The following DNM3 variants were observed in gnomAD, a reference collection of about 807,000 sequenced individuals.
The protein encoded by DNM3 is dynamin 3, also known as dynamin-3.
DNM3 carries 47 observed loss-of-function variants against 101.6 expected under a neutral mutation model. That is an observed-to-expected ratio of 0.46 (90% CI 0.37 to 0.59). The LOEUF is 0.59. Ranked by LOEUF, DNM3 falls within the 20% of genes least tolerant of loss-of-function variation. DNM3 has a pLI of 0.00. For missense variants in DNM3, 849 were observed against 1,085.7 expected, an observed-to-expected ratio of 0.78 and a Z score of 3.06; for synonymous variants, 385 against 387.9, an observed-to-expected ratio of 0.99 and a Z score of 0.09.
intron 13 of DNM3, among the ~76,000 whole-genome samples, chr1:172,112,208 C>T (rs1429986902): frequency 6.6e-6 from 1 of 152,186 alleles, no homozygotes; most frequent in Non-Finnish European, 1.5e-5. Flanking sequence ...GTGGTAAGCA[C>T]TTGACATTCA....
intron 15 of DNM3, among the ~76,000 whole-genome samples, chr1:172,273,957 A>G (rs1293507420): frequency 6.6e-6 from 1 of 152,014 alleles, no homozygotes; most frequent in African/African-American, 2.4e-5. Flanking sequence ...TTTTCATGCA[A>G]TGGGGGGTGT....
intron 18 of DNM3, among the ~76,000 whole-genome samples, chr1:172,383,795 C>T (rs2069047239): frequency 6.6e-6 from 1 of 151,992 alleles, no homozygotes; most frequent in Non-Finnish European, 1.5e-5. Context: ...CTGAGCAGAG[C>T]GACATGGTGC....
chr1:172,396,999 T>C (rs1171799797), intron 20 of DNM3, among the ~76,000 whole-genome samples: 1 of 152,162 alleles, frequency 6.6e-6, no homozygotes, highest in East Asian at 1.9e-4. Context: ...TTAGCATTAT[T>C]CTCAAAGCCA....
intron 16 of DNM3, among the ~76,000 whole-genome samples, chr1:172,317,751 C>G (rs1448558154): frequency 6.6e-6 from 1 of 152,154 alleles, no homozygotes; most frequent in East Asian, 1.9e-4. Flanking sequence ...TAATCAATAG[C>G]TTACCAACCA....
intron 2 of DNM3, among the ~76,000 whole-genome samples, chr1:171,925,608 C>T (rs1571646052): frequency 6.6e-6 from 1 of 152,032 alleles, no homozygotes; most frequent in East Asian, 1.9e-4. Context: ...GGATATTAGT[C>T]CTTTATTGGA....
chr1:172,317,094 C>T (rs1277516737), intron 16 of DNM3, among the ~76,000 whole-genome samples: 1 of 151,830 alleles, frequency 6.6e-6, no homozygotes, highest in African/African-American at 2.4e-5. Flanking sequence ...TCACTCAAAA[C>T]CGCTCAACTA....
Position 172,048,596 on chromosome 1 carries a change from G to A in DNM3, c.1197-16G>A. ...ATTAAAAAAATCTCATGGGCTGCTT[G>A]CTTTCTTACCTTCAGGACAGGGTTG... On this transcript the variant is annotated splice_polypyrimidine_tract_variant and intron_variant, in intron 9 of 20. Transcript: ENST00000627582. 2 of 1,589,584 alleles carry A rather than the reference G, an allele frequency of 1.3e-6. No homozygotes were observed. Among genetic ancestry groups the A allele is most frequent in the Non-Finnish European group, 1.7e-6 (2 of 1,171,552 alleles).
chr1:172,296,607 G>A (rs961918898), intron 15 of DNM3, among the ~76,000 whole-genome samples: 2 of 152,124 alleles, frequency 1.3e-5, no homozygotes, highest in Non-Finnish European at 2.9e-5. Flanking sequence ...ATATTAGCAG[G>A]TGACCTTCTT....
intron 14 of DNM3, among the ~76,000 whole-genome samples, chr1:172,225,096 T>C (rs1367626986): frequency 1.3e-5 from 2 of 151,962 alleles, no homozygotes; most frequent in Non-Finnish European, 2.9e-5. Context: ...CTCTTTGCTA[T>C]TTTCTTTGGT....
intron 13 of DNM3, among the ~76,000 whole-genome samples, chr1:172,118,251 C>T (rs2056064385): frequency 6.6e-6 from 1 of 152,152 alleles, no homozygotes; most frequent in Admixed American, 6.5e-5. Context: ...TGGCTACTAA[C>T]ACTTATTTAA....
At chr1:172,404,364 T>C (rs1195190546) in intron 20 of DNM3, among the ~76,000 whole-genome samples, 2 of 152,064 alleles carry the variant, frequency 1.3e-5, no homozygotes, top group East Asian at 3.9e-4. Context: ...AAAAATACAA[T>C]ACTATGAACC....
rs114135999 is a variant in DNM3 at position 172,349,628 on chromosome 1, A to G, written c.1893+26288A>G. 7.7e-3 allele frequency among the ~76,000 whole-genome samples: 1,167 copies of G among 152,348 alleles called. 21 individuals carry two copies. Among genetic ancestry groups the G allele is most frequent in the African/African-American group, 0.026 (1,093 of 41,592 alleles). The stretch of plus-strand genomic sequence containing the variant: ...AATTTCATTTCAAGATAATGTGAAT[A>G]TAGCAATACATGATCAAATATCTAT... On this transcript the variant is annotated intron_variant, in intron 17 of 20. Transcript: ENST00000627582.
intron 14 of DNM3, among the ~76,000 whole-genome samples, chr1:172,158,828 C>G (rs1235927124): frequency 6.6e-6 from 1 of 151,924 alleles, no homozygotes; most frequent in Non-Finnish European, 1.5e-5. Flanking sequence ...ATAAAAGATT[C>G]CCTAATACTC....
intron 2 of DNM3, among the ~76,000 whole-genome samples, chr1:171,946,748 A>G (rs935555794): frequency 6.6e-6 from 1 of 152,192 alleles, no homozygotes; most frequent in Non-Finnish European, 1.5e-5. Context: ...GACCCTTAGA[A>G]AGCTTCCATT....
In DNM3 at chr1:172,359,747, T is replaced by C. The variant is rs115769576; in HGVS notation, c.1894-19271T>C. ...ATAAGCAATATCTGCACGTTTCTTA[T>C]GACTGGGAAGGACTATTTTCACAGT... On this transcript the variant is annotated intron_variant, in intron 17 of 20. Coordinates refer to ENST00000627582, the MANE Select transcript of DNM3 (RefSeq NM_015569.5). Among the ~76,000 whole-genome samples, 1,311 of 152,188 alleles carry C rather than the reference T, an allele frequency of 8.6e-3. 25 individuals carry two copies. Among genetic ancestry groups the C allele is most frequent in the African/African-American group, 0.03 (1,237 of 41,560 alleles).
chr1:172,249,632 C>A (rs757612077), intron 14 of DNM3, among the ~76,000 whole-genome samples: 1 of 151,984 alleles, frequency 6.6e-6, no homozygotes, highest in Non-Finnish European at 1.5e-5. Context: ...GCCTCTGAAG[C>A]CTTTGAAAGT....
At chr1:172,117,228 T>G (rs1340129495) in intron 13 of DNM3, among the ~76,000 whole-genome samples, 1 of 151,896 alleles carries the variant, frequency 6.6e-6, no homozygotes, top group East Asian at 1.9e-4. Context: ...AAGTCTTCAC[T>G]GAGGCCTAAG....
chr1:171,964,054 A>G (rs886892935), intron 2 of DNM3, among the ~76,000 whole-genome samples: 2 of 152,160 alleles, frequency 1.3e-5, no homozygotes, highest in South Asian at 2.1e-4. Flanking sequence ...CATTTTTGCA[A>G]TAAGATACCA....
Position 172,266,364 on chromosome 1 carries a change from C to G in DNM3, c.1769+12682C>G, listed in dbSNP as rs114359149. Among the ~76,000 whole-genome samples, 329 of 152,066 alleles carry G rather than the reference C, an allele frequency of 2.2e-3. 1 individual carries two copies. Among genetic ancestry groups the G allele is most frequent in the African/African-American group, 7.5e-3 (312 of 41,484 alleles). Reference sequence around the variant, plus strand: ...TGTCGGATCTACATTAAAAAAGGAACAATTACTCTTCCATAAATAGGGATG... The same window carrying G: ...TGTCGGATCTACATTAAAAAAGGAAGAATTACTCTTCCATAAATAGGGATG... On this transcript the variant is annotated intron_variant, in intron 15 of 20. Transcript: ENST00000627582.
Sources: allele counts gnomAD v4.1 joint callset (sites outside exome capture counted in the v4.1 genomes callset), GRCh38; gene constraint gnomAD v4.1.1; transcripts MANE v1.5; gene names NCBI Gene and HGNC (gene_info 2026-07-23, HGNC 2026-07-21).